Variants in MKLN1 observed in about 807,000 individuals in gnomAD.
MKLN1 encodes muskelin.
A neutral mutation model predicts 99.0 loss-of-function variants in MKLN1; 18 were observed. The ratio of observed to expected loss-of-function variants is 0.18; its 90% CI spans 0.13 to 0.27. The LOEUF (loss-of-function observed/expected upper bound fraction) is 0.27, where lower values mean the gene tolerates loss of function less well. Among genes scored for constraint, MKLN1 ranks in the 10% least tolerant of loss-of-function variants. MKLN1 has a pLI of 1.00. For missense variants in MKLN1, 621 were observed against 875.9 expected, an observed-to-expected ratio of 0.71 and a Z score of 3.67; for synonymous variants, 288 against 293.2, an observed-to-expected ratio of 0.98 and a Z score of 0.18.
chr7:131,361,547 G>A (rs913107694), intron 1 of MKLN1, among the ~76,000 whole-genome samples: 2 of 148,268 alleles, frequency 1.3e-5, no homozygotes, highest in African/African-American at 4.9e-5. Flanking sequence ...GTTTTTTCTT[G>A]CCTTATTTAG....
intron 2 of MKLN1, among the ~76,000 whole-genome samples, chr7:131,385,817 A>C (rs561916978): frequency 3.2e-4 from 49 of 152,228 alleles, no homozygotes; most frequent in African/African-American, 1.1e-3. Flanking sequence ...CCCATTCTAT[A>C]GGGTGTCTTT....
chr7:131,354,809 G>T (rs1044148202), intron 1 of MKLN1, among the ~76,000 whole-genome samples: 1 of 151,992 alleles, frequency 6.6e-6, no homozygotes, highest in African/African-American at 2.4e-5. Flanking sequence ...TTTCTAAATG[G>T]CTGTACATCA....
intron 1 of MKLN1, among the ~76,000 whole-genome samples, chr7:131,359,026 T>A (rs1799955511): frequency 6.6e-6 from 1 of 152,108 alleles, no homozygotes; most frequent in Non-Finnish European, 1.5e-5. Flanking sequence ...ATTTTTGCCC[T>A]AAGATTTATT....
chr7:131,142,544 G>T (rs10441386), intron 1 of MKLN1, among the ~76,000 whole-genome samples: 21,251 of 151,726 alleles, frequency 0.14, 1,709 homozygotes, highest in South Asian at 0.21. Flanking sequence ...GATCATCCTG[G>T]TTAACACGGT....
At chr7:131,370,136 C>T (rs1475294477) in intron 1 of MKLN1, among the ~76,000 whole-genome samples, 1 of 152,210 alleles carries the variant, frequency 6.6e-6, no homozygotes, top group Non-Finnish European at 1.5e-5. Context: ...CGGTGCCCAG[C>T]CATGAGATTA....
intron 3 of MKLN1, among the ~76,000 whole-genome samples, chr7:131,317,840 C>CAAA (rs1374302947): frequency 6.9e-6 from 1 of 145,700 alleles, no homozygotes; most frequent in Non-Finnish European, 1.5e-5. Flanking sequence ...CCAAAAAGTT[C>CAAA]AAAAAAGACA....
At chr7:131,327,593 A>T, upstream of MKLN1, 1 of 332,332 alleles carries the variant, frequency 3.0e-6, no homozygotes, top group Admixed American at 4.6e-5. Flanking sequence ...TTCTGTTCGT[A>T]ATCATCTCGG....
chr7:131,205,312 T>C (rs1027699559), intron 3 of MKLN1, among the ~76,000 whole-genome samples: 1 of 152,174 alleles, frequency 6.6e-6, no homozygotes. Context: ...ATCACAACAT[T>C]GGGAAATAAT....
chr7:131,329,976 TTAAAG>T (rs1799023152), intron 1 of MKLN1, among the ~76,000 whole-genome samples: 1 of 152,256 alleles, frequency 6.6e-6, no homozygotes, highest in Non-Finnish European at 1.5e-5. Flanking sequence ...TAATTTGTAT[TTAAAG>T]TAAAGTATTA....
At chr7:131,466,515 G>A in intron 15 of MKLN1, 100 bp downstream of exon 15, 1 of 838,598 alleles carries the variant, frequency 1.2e-6, no homozygotes, top group Non-Finnish European at 1.6e-6. Flanking sequence ...TGAAGATCAT[G>A]AATTTTGTAA....
intron 2 of MKLN1, among the ~76,000 whole-genome samples, chr7:131,181,852 A>T (rs1007912023): frequency 1.3e-5 from 2 of 151,984 alleles, no homozygotes; most frequent in African/African-American, 4.8e-5. Flanking sequence ...TAGAGACGAG[A>T]TTTCACCATA....
At chr7:131,331,921 A>G (rs752776714) in intron 1 of MKLN1, among the ~76,000 whole-genome samples, 31 of 152,178 alleles carry the variant, frequency 2.0e-4, no homozygotes, top group Non-Finnish European at 3.1e-4. Context: ...TTATTGAATG[A>G]CTTAGATAAT....
At chr7:131,278,391 A>G (rs1798005060) in intron 3 of MKLN1, among the ~76,000 whole-genome samples, 1 of 152,050 alleles carries the variant, frequency 6.6e-6, no homozygotes, top group Admixed American at 6.6e-5. Flanking sequence ...TGATCCAATA[A>G]TAACTATAAC....
intron 3 of MKLN1, among the ~76,000 whole-genome samples, chr7:131,305,744 C>T (rs954363943): frequency 2.6e-5 from 4 of 152,236 alleles, no homozygotes; most frequent in African/African-American, 4.8e-5. Context: ...TGAAGTAGGG[C>T]GCTTGTATGG....
intron 6 of MKLN1, among the ~76,000 whole-genome samples, chr7:131,405,470 T>C (rs966287034): frequency 2.7e-4 from 41 of 152,162 alleles, no homozygotes. Flanking sequence ...ATGCTCTGTT[T>C]ACTGTTGTCT....
intron 9 of MKLN1, among the ~76,000 whole-genome samples, chr7:131,437,408 T>A (rs1035238812): frequency 6.6e-6 from 1 of 152,196 alleles, no homozygotes; most frequent in African/African-American, 2.4e-5. Context: ...AGACCAAACA[T>A]GTCTTAAAGT....
At chr7:131,378,646 A>G (rs1034575849) in intron 2 of MKLN1, among the ~76,000 whole-genome samples, 3 of 152,106 alleles carry the variant, frequency 2.0e-5, no homozygotes, top group Middle Eastern at 3.2e-3. Context: ...TCTGGGCAAC[A>G]TGGTGAAACC....
intron 3 of MKLN1, among the ~76,000 whole-genome samples, chr7:131,244,954 T>C (rs1379692506): frequency 6.6e-6 from 1 of 152,168 alleles, no homozygotes; most frequent in Admixed American, 6.5e-5. Flanking sequence ...GCAGCTCCGT[T>C]CTCATTTCTA....
At chr7:131,156,753 G>A (rs1326753899) in intron 2 of MKLN1, among the ~76,000 whole-genome samples, 3 of 152,174 alleles carry the variant, frequency 2.0e-5, no homozygotes, top group African/African-American at 7.2e-5. Context: ...CCTACGATGG[G>A]TTTATCAGGA....
Sources: gnomAD v4.1 joint callset for allele counts (sites outside exome capture counted in the v4.1 genomes callset) on GRCh38, gnomAD v4.1.1 for gene constraint, MANE v1.5 for transcripts, NCBI Gene and HGNC (gene_info 2026-07-23, HGNC 2026-07-21) for gene names.